The following INPP4B variants were observed in gnomAD, a reference collection of about 807,000 sequenced individuals.
INPP4B encodes the protein inositol polyphosphate 4-phosphatase type II.
Under a neutral mutation model 122.5 loss-of-function variants are expected in INPP4B, and 55 were observed. The observed-to-expected ratio is 0.45, with a 90% CI of 0.36 to 0.56. The LOEUF (loss-of-function observed/expected upper bound fraction) is 0.56. Ranked by LOEUF, INPP4B falls within the 20% of genes least tolerant of loss-of-function variation. The probability of loss-of-function intolerance (pLI) is 0.00; values close to 1 mark genes in which losing one functional copy is unlikely to be tolerated. For synonymous variants in INPP4B, 403 were observed against 388.7 expected (o/e 1.04, Z -0.43); for missense variants, 1,000 against 1,097.7 (o/e 0.91, Z 1.26).
intron 9 of INPP4B, among the ~76,000 whole-genome samples, chr4:142,296,548 T>C (rs1486764397): frequency 6.6e-6 from 1 of 152,238 alleles, no homozygotes; most frequent in Non-Finnish European, 1.5e-5. Context: ...CAAGAACTTA[T>C]GTGTCAGACA....
At chr4:142,052,404 T>C (rs768758138) in intron 25 of INPP4B, among the ~76,000 whole-genome samples, 9 of 152,066 alleles carry the variant, frequency 5.9e-5, no homozygotes, top group Non-Finnish European at 1.2e-4. Context: ...CATATTCTTT[T>C]GTGTTAAACC....
intron 2 of INPP4B, among the ~76,000 whole-genome samples, chr4:142,620,068 C>T (rs1486877675): frequency 6.6e-6 from 1 of 151,856 alleles, no homozygotes; most frequent in Non-Finnish European, 1.5e-5. Flanking sequence ...TCATACATTG[C>T]TGCTGGGGAT....
chr4:142,091,301 C>G (rs1779426702), intron 23 of INPP4B, among the ~76,000 whole-genome samples: 1 of 152,198 alleles, frequency 6.6e-6, no homozygotes, highest in Non-Finnish European at 1.5e-5. Context: ...AATTCTACTG[C>G]TGCTTTGACG....
At chr4:142,517,075 C>CA (rs199702990) in intron 2 of INPP4B, among the ~76,000 whole-genome samples, 8,884 of 150,022 alleles carry the variant, frequency 0.059, 302 homozygotes, top group Admixed American at 0.079. Context: ...TATGACTAGA[C>CA]AAAAAAAAAT....
chr4:142,728,482 C>CAATTAAGATGAA (rs1404960373), intron 1 of INPP4B, among the ~76,000 whole-genome samples: 5 of 152,102 alleles, frequency 3.3e-5, no homozygotes, highest in African/African-American at 1.2e-4. Context: ...AATCTTTATG[C>CAATTAAGATGAA]AATTAAGATG....
chr4:142,185,670 G>C (rs1832860771), intron 15 of INPP4B, among the ~76,000 whole-genome samples: 4 of 151,598 alleles, frequency 2.6e-5, no homozygotes, highest in Admixed American at 2.6e-4. Flanking sequence ...ACGAGGTCAG[G>C]AGACAGAGAC....
At chr4:142,797,026 G>A (rs758984418) in intron 1 of INPP4B, among the ~76,000 whole-genome samples, 31 of 151,674 alleles carry the variant, frequency 2.0e-4, no homozygotes, top group African/African-American at 5.6e-4. Context: ...TATTGCCACC[G>A]TAAAAGAGAA....
chr4:142,673,944 C>T (rs1190194492), intron 2 of INPP4B, among the ~76,000 whole-genome samples: 1 of 152,098 alleles, frequency 6.6e-6, no homozygotes, highest in Non-Finnish European at 1.5e-5. Flanking sequence ...CCACAGCTGC[C>T]AGCAGTGTTG....
At chr4:142,065,317 A>G (rs1762964021) in intron 25 of INPP4B, among the ~76,000 whole-genome samples, 1 of 152,110 alleles carries the variant, frequency 6.6e-6, no homozygotes, top group South Asian at 2.1e-4. Context: ...TAGATGAATC[A>G]CAAAATTGGC....
At chr4:142,519,736 T>A (rs895086900) in intron 2 of INPP4B, among the ~76,000 whole-genome samples, 4 of 152,168 alleles carry the variant, frequency 2.6e-5, no homozygotes, top group Non-Finnish European at 5.9e-5. Flanking sequence ...TCATTCCATC[T>A]GTCCTTTGTC....
At chr4:142,029,968 A>G in intron 25 of INPP4B, 5 of 1,378,814 alleles carry the variant, frequency 3.6e-6, no homozygotes, top group Non-Finnish European at 4.7e-6. Context: ...CCTAATGCAT[A>G]GTACTTTTTG....
chr4:142,151,997 C>T (rs1814172130), intron 17 of INPP4B, among the ~76,000 whole-genome samples: 1 of 151,568 alleles, frequency 6.6e-6, no homozygotes. Context: ...AAATTCTTGC[C>T]CTTTCAAATC....
chr4:142,771,781 A>C (rs1773112568), intron 1 of INPP4B, among the ~76,000 whole-genome samples: 1 of 152,182 alleles, frequency 6.6e-6, no homozygotes, highest in Non-Finnish European at 1.5e-5. Context: ...AACTGTTACC[A>C]GTATTCTGCA....
At chr4:142,304,274 C>G (rs17015881) in intron 9 of INPP4B, among the ~76,000 whole-genome samples, 9,838 of 152,014 alleles carry the variant, frequency 0.065, 1,071 homozygotes, top group African/African-American at 0.22. Flanking sequence ...AAACTGAAAA[C>G]AGTAACAGCA....
intron 2 of INPP4B, among the ~76,000 whole-genome samples, chr4:142,656,460 C>A (rs766339160): frequency 6.6e-6 from 1 of 152,162 alleles, no homozygotes; most frequent in Non-Finnish European, 1.5e-5. Flanking sequence ...AAACCATACC[C>A]CTACCCCCTG....
At chr4:142,268,862 C>CA (rs1208596904) in intron 10 of INPP4B, among the ~76,000 whole-genome samples, 3 of 152,082 alleles carry the variant, frequency 2.0e-5, no homozygotes, top group Non-Finnish European at 4.4e-5. Context: ...CTGAAACACA[C>CA]AAAAAACTGC....
chr4:142,657,110 G>C (rs192651722), intron 2 of INPP4B, among the ~76,000 whole-genome samples: 1 of 152,166 alleles, frequency 6.6e-6, no homozygotes. Flanking sequence ...CAGTGACTGG[G>C]TGGTCCTCTG....
At chr4:142,603,940 C>T (rs1368588702) in intron 2 of INPP4B, among the ~76,000 whole-genome samples, 2 of 150,906 alleles carry the variant, frequency 1.3e-5, no homozygotes, top group Non-Finnish European at 3.0e-5. Flanking sequence ...AAAGTACAGG[C>T]CAATACCCCT....
chr4:142,415,450 A>G (rs536747736), intron 5 of INPP4B, among the ~76,000 whole-genome samples: 6,656 of 151,960 alleles, frequency 0.044, 192 homozygotes, highest in Non-Finnish European at 0.067. Context: ...CAAAACCACA[A>G]TGATACCATC....
Sources: allele counts gnomAD v4.1 joint callset (sites outside exome capture counted in the v4.1 genomes callset), GRCh38; gene constraint gnomAD v4.1.1; transcripts MANE v1.5; gene names NCBI Gene and HGNC (gene_info 2026-07-23, HGNC 2026-07-21).